ZNF382: variants seen among roughly 807,000 people sequenced by gnomAD.
The protein encoded by ZNF382 is zinc finger protein 382, also known as KRAB/zinc finger suppressor protein 1.
Under a neutral mutation model 38.8 loss-of-function variants are expected in ZNF382, and 20 were observed. The ratio of observed to expected loss-of-function variants is 0.51; its 90% CI spans 0.36 to 0.75. ZNF382 has a LOEUF of 0.75. ZNF382 is among the 30% of genes least tolerant of loss of function. ZNF382 has a pLI of 0.00. For missense variants in ZNF382, 546 were observed against 654.1 expected, an observed-to-expected ratio of 0.83 and a Z score of 1.80; for synonymous variants, 202 against 223.1, an observed-to-expected ratio of 0.91 and a Z score of 0.84.
chr19:36,611,188 G>A (rs1255559043), intron 4 of ZNF382, among the ~76,000 whole-genome samples: 3 of 152,128 alleles, frequency 2.0e-5, no homozygotes, highest in African/African-American at 4.8e-5. Flanking sequence ...TACTCAGGAG[G>A]CTGAAGCAGG....
At chr19:36,612,706 A>G (rs1000539433) in intron 4 of ZNF382, among the ~76,000 whole-genome samples, 11 of 152,216 alleles carry the variant, frequency 7.2e-5, no homozygotes, top group African/African-American at 2.2e-4. Flanking sequence ...GATTTATCTT[A>G]CAACTAATAA....
At chr19:36,607,022 A>G (rs1192457644) in intron 1 of ZNF382, among the ~76,000 whole-genome samples, 1 of 150,988 alleles carries the variant, frequency 6.6e-6, no homozygotes, top group African/African-American at 2.4e-5. Flanking sequence ...GGTTGCGGTC[A>G]GTCAAGATTG....
intron 2 of ZNF382, chr19:36,607,916 A>C (rs1310626133): frequency 2.7e-6 from 1 of 368,614 alleles, no homozygotes; most frequent in African/African-American, 2.1e-5. Context: ...GCCTTCCCCA[A>C]GTGTACCTTC....
At chr19:36,615,452 A>G (rs555765060) in intron 4 of ZNF382, among the ~76,000 whole-genome samples, 2 of 152,366 alleles carry the variant, frequency 1.3e-5, no homozygotes, top group South Asian at 4.1e-4. Flanking sequence ...TTATAGATAC[A>G]TATTTCCTCA....
At position 36,627,983 on chromosome 19, in the gene ZNF382, T is replaced by TA. The variant is rs1161475780; in HGVS notation, c.*434dup. On this transcript the variant is annotated 3_prime_UTR_variant, in exon 5 of 5. Coordinates refer to ENST00000292928, the MANE Select transcript of ZNF382 (RefSeq NM_032825.5). ...CAAATACAAAATAAAAATTAGTTGT[T>TA]ACCTCCTCACAGTTGACCATGATTC... 6.3e-6 allele frequency: 1 copy of TA among 159,074 alleles called. No homozygotes were observed. Among genetic ancestry groups the TA allele is most frequent in the African/African-American group, 2.4e-5 (1 of 41,488 alleles). 9.9% of individuals were successfully genotyped at this position (159,074 alleles called of 1,614,324 possible). A position where few individuals can be genotyped will look rare whatever the true frequency, so the allele number is the denominator to read the frequency against.
chr19:36,627,360 G>A lies in ZNF382; in HGVS notation c.1463G>A (p.Gly488Glu). The A allele has an allele frequency of 1.9e-6, 3 of 1,614,134 alleles. No individual in the cohort carries two copies. The South Asian group carries it at 3.3e-5, about 18-fold the overall frequency. Reference protein sequence around the residue: ...ILTVHHRIHTGEKSNGCPQCG... With the variant: ...ILTVHHRIHTEEKSNGCPQCG... ...ACTGTTCATCACAGAATACATACAG[G>A]AGAAAAATCCAATGGGTGTCCTCAG... The change falls in exon 5 of 5, where the codon GGA becomes GAA. Residue 488 changes from glycine to glutamate, a missense_variant. Physicochemically the swap from Gly to Glu is moderately conservative, Grantham distance 98 (BLOSUM62 -2). Transcript: ENST00000292928.
rs371760229 is a variant in ZNF382 at position 36,625,089 on chromosome 19, A to AATATATATATATATATATAT, written c.233-1021_233-1002dup. Among the ~76,000 whole-genome samples the AATATATATATATATATATAT allele has an allele frequency of 1.8e-3, 76 of 42,968 alleles. 4 individuals carry two copies. The highest frequency in any genetic ancestry group is 2.8e-3 in the Admixed American group (7 of 2,474). The allele number at this position is 42,968 out of a possible 152,430, so 28.2% of individuals were successfully genotyped here. ...TCTCAAAAAAATAAAAATGAATTTA[A>AATATATATATATATATATAT]ATATATATATATATATATATATATA... On this transcript the variant is annotated intron_variant, in intron 4 of 4. Coordinates refer to ENST00000292928, the MANE Select transcript of ZNF382 (RefSeq NM_032825.5).
Position 36,630,864 on chromosome 19 carries a change from A to G in ZNF382, c.*3314A>G, listed in dbSNP as rs930700145. 2.7e-5 allele frequency: 4 copies of G among 150,712 alleles called. No homozygotes were observed. The allele number at this position is 150,712 out of a possible 1,614,324, so 9.3% of individuals were successfully genotyped here. A position where few individuals can be genotyped will look rare whatever the true frequency, so the allele number is the denominator to read the frequency against. ...GAGTGGTGCCATTATAGCTCACTGCAGACTTGAATTCCTGGACTCAAGCAA... is the reference window on the plus strand; with the variant it reads ...GAGTGGTGCCATTATAGCTCACTGCGGACTTGAATTCCTGGACTCAAGCAA... On this transcript the variant is annotated 3_prime_UTR_variant, in exon 5 of 5. Transcript: ENST00000292928.
Position 36,622,311 on chromosome 19 carries a change from G to A in ZNF382, c.233-3819G>A, listed in dbSNP as rs7257718. 2.2e-3 allele frequency among the ~76,000 whole-genome samples: 335 copies of A among 152,162 alleles called. 2 individuals are homozygous for A. The highest frequency in any genetic ancestry group is 7.9e-3 in the African/African-American group (327 of 41,502). ...GCTGGAATTACAGGCATGAGCCACC[G>A]GTGGCACCCGGCCAGGTTTGATAAT... On this transcript the variant is annotated intron_variant, in intron 4 of 4. Transcript: ENST00000292928.
At chr19:36,606,781 A>T (rs1187790144) in intron 1 of ZNF382, among the ~76,000 whole-genome samples, 1 of 152,130 alleles carries the variant, frequency 6.6e-6, no homozygotes, top group Non-Finnish European at 1.5e-5. Context: ...TAGTAATTAA[A>T]ATAGTTATTT....
At chr19:36,615,889 T>C (rs2037122397) in intron 4 of ZNF382, among the ~76,000 whole-genome samples, 1 of 152,244 alleles carries the variant, frequency 6.6e-6, no homozygotes, top group African/African-American at 2.4e-5. Context: ...TAAAAATATG[T>C]GCTCATAGAT....
chr19:36,627,595 C>T lies in ZNF382; in HGVS notation c.*45C>T, dbSNP rs751554186. On this transcript the variant is annotated 3_prime_UTR_variant, in exon 5 of 5. Transcript: ENST00000292928. ...AAAAAAATGTTAAGTCATAGTAAAC[C>T]CTGTAGATGATGTTGCTTGCAAGCG... 59 of 1,421,514 alleles carry T rather than the reference C, an allele frequency of 4.2e-5. No homozygotes were observed. The highest frequency in any genetic ancestry group is 6.8e-6 in the Non-Finnish European group (7 of 1,022,012). 88.1% of individuals were successfully genotyped at this position (1,421,514 alleles called of 1,614,324 possible).
chr19:36,614,917 C>T (rs12150966), intron 4 of ZNF382, among the ~76,000 whole-genome samples: 5,376 of 27,666 alleles, frequency 0.19, 225 homozygotes, highest in African/African-American at 0.38. Flanking sequence ...TCCTTTCCTT[C>T]CCTTTCCCTT....
intron 4 of ZNF382, among the ~76,000 whole-genome samples, chr19:36,619,546 G>A (rs183125744): frequency 3.3e-4 from 51 of 152,260 alleles, no homozygotes; most frequent in South Asian, 4.1e-4. Flanking sequence ...TTTCAAAATT[G>A]GCCCCTGGAA....
At position 36,626,979 on chromosome 19, in the gene ZNF382, TC is replaced by T; in HGVS notation, c.1084del (p.Arg362AlafsTer183). The T allele has an allele frequency of 6.2e-7, 1 of 1,614,208 alleles. No homozygotes were observed. The highest frequency in any genetic ancestry group is 8.5e-7 in the Non-Finnish European group (1 of 1,180,022). ...ATTTGTATCGATTGTGGGAAGTCCT[TC>T]CGCCAGAAGGCCACCCTCACTAGAC... ...PFICIDCGKSFRQKATLTRHH... is the reference protein window; with the variant it reads ...PFICIDCGKSXRQKATLTRHH... On this transcript the variant is annotated frameshift_variant, in exon 5 of 5. Transcript: ENST00000292928. LOFTEE classifies it high-confidence loss of function.
chr19:36,619,972 C>G (rs2037156283), intron 4 of ZNF382, among the ~76,000 whole-genome samples: 1 of 152,146 alleles, frequency 6.6e-6, no homozygotes, highest in South Asian at 2.1e-4. Context: ...ACCTCGAGAT[C>G]TGCCCGCCCC....
chr19:36,617,392 A>G (rs763632287), intron 4 of ZNF382, among the ~76,000 whole-genome samples: 2 of 152,134 alleles, frequency 1.3e-5, no homozygotes, highest in Non-Finnish European at 2.9e-5. Context: ...ACCAGCTTCA[A>G]TGGGAGTTTG....
Position 36,627,073 on chromosome 19 carries a change from G to T in ZNF382, c.1176G>T (p.Lys392Asn). Residue 392 changes from lysine (K) to asparagine (N), a missense_variant, in exon 5 of 5, where the codon AAG becomes AAT. Physicochemically the swap from Lys to Asn is moderately conservative, Grantham distance 94. Coordinates refer to ENST00000292928, the MANE Select transcript of ZNF382 (RefSeq NM_032825.5). ...CPQCGSAFRK[K>N]SYLIDHQRTH... ...AGTGTGGAAGTGCCTTTAGGAAGAA[G>T]TCATACCTCATTGATCACCAGAGAA... The T allele has an allele frequency of 6.2e-7, 1 of 1,613,678 alleles. No homozygotes were observed. Among genetic ancestry groups the T allele is most frequent in the Non-Finnish European group, 8.5e-7 (1 of 1,179,936 alleles).
intron 4 of ZNF382, among the ~76,000 whole-genome samples, chr19:36,619,973 T>G (rs1348110846): frequency 6.6e-6 from 1 of 152,104 alleles, no homozygotes; most frequent in Non-Finnish European, 1.5e-5. Context: ...CCTCGAGATC[T>G]GCCCGCCCCG....
Sources: allele counts gnomAD v4.1 joint callset (sites outside exome capture counted in the v4.1 genomes callset), GRCh38; gene constraint gnomAD v4.1.1; transcripts MANE v1.5; gene names NCBI Gene and HGNC (gene_info 2026-07-23, HGNC 2026-07-21).